Variants in MGAT4C observed in about 807,000 individuals in gnomAD.
MGAT4C encodes alpha-1,3-mannosyl-glycoprotein 4-beta-N-acetylglucosaminyltransferase C.
MGAT4C carries 19 observed loss-of-function variants against 40.1 expected under a neutral mutation model. The ratio of observed to expected loss-of-function variants is 0.47; its 90% CI spans 0.33 to 0.70. The LOEUF (loss-of-function observed/expected upper bound fraction) is 0.70, where lower values mean the gene tolerates loss of function less well. Ranked by LOEUF, MGAT4C falls within the 30% of genes least tolerant of loss-of-function variation. The pLI, the probability that MGAT4C is intolerant of heterozygous loss-of-function variation, is 0.02. For missense variants in MGAT4C, 491 were observed against 563.2 expected (o/e 0.87, Z 1.30); for synonymous variants, 181 against 187.1 (o/e 0.97, Z 0.27).
intron 2 of MGAT4C, among the ~76,000 whole-genome samples, chr12:86,538,888 T>G (rs377413601): frequency 6.6e-6 from 1 of 152,208 alleles, no homozygotes; most frequent in East Asian, 1.9e-4. Flanking sequence ...ATTACAGGCA[T>G]GAGCCACTGT....
chr12:86,533,380 A>C (rs897877043), intron 2 of MGAT4C, among the ~76,000 whole-genome samples: 2 of 152,020 alleles, frequency 1.3e-5, no homozygotes, highest in African/African-American at 2.4e-5. Context: ...TCTGTGGAGA[A>C]GGAGTCACTT....
chr12:86,700,070 T>TAGATAAGAG lies in MGAT4C; in HGVS notation c.-229+27138_-229+27139insCTCTTATCT, dbSNP rs1565933976. On this transcript the variant is annotated intron_variant, in intron 2 of 7. Coordinates refer to the MGAT4C transcript ENST00000548651. ...TAGATAGATAGATAGATAGATAAGATAGATAGATAATGTAGATAGATGATA... is the reference window on the plus strand; with the variant it reads ...TAGATAGATAGATAGATAGATAAGATAGATAAGAGAGATAGATAATGTAGATAGATGATA... Among the ~76,000 whole-genome samples, 33 of 150,038 alleles carry TAGATAAGAG rather than the reference T, an allele frequency of 2.2e-4. No individual in the cohort carries two copies. In the East Asian group the frequency reaches 5.2e-3, roughly 23 times the overall value.
At chr12:86,361,394 C>G (rs982740867) in intron 3 of MGAT4C, among the ~76,000 whole-genome samples, 2 of 151,084 alleles carry the variant, frequency 1.3e-5, no homozygotes, top group African/African-American at 4.8e-5. Context: ...TAGAAGAAAA[C>G]TTAGGCAATA....
intron 2 of MGAT4C, among the ~76,000 whole-genome samples, chr12:86,706,458 T>C (rs1950460378): frequency 6.6e-6 from 1 of 150,700 alleles, no homozygotes; most frequent in East Asian, 1.9e-4. Context: ...AGGGTCTCTC[T>C]ATTTTGCCCA....
At chr12:86,781,667 T>C (rs73181304) in intron 1 of MGAT4C, among the ~76,000 whole-genome samples, 189 of 152,290 alleles carry the variant, frequency 1.2e-3, no homozygotes, top group Non-Finnish European at 2.2e-3. Flanking sequence ...CCTGTCCTCA[T>C]AGAAATTCCA....
At chr12:86,642,332 T>A (rs1328211635) in intron 2 of MGAT4C, among the ~76,000 whole-genome samples, 1 of 151,848 alleles carries the variant, frequency 6.6e-6, no homozygotes, top group Non-Finnish European at 1.5e-5. Flanking sequence ...GGCTTTTCAT[T>A]CTTTTCCATT....
At chr12:86,080,650 C>T (rs1870664565) in intron 1 of MGAT4C, among the ~76,000 whole-genome samples, 3 of 152,102 alleles carry the variant, frequency 2.0e-5, no homozygotes, top group Admixed American at 2.0e-4. Context: ...GGTATCAAGA[C>T]ATTGCAACCA....
intron 2 of MGAT4C, among the ~76,000 whole-genome samples, chr12:86,582,792 G>T (rs890174765): frequency 2.0e-5 from 3 of 151,156 alleles, no homozygotes; most frequent in African/African-American, 7.3e-5. Flanking sequence ...TGGGACTTAT[G>T]TCGACCAAGT....
chr12:86,158,460 A>C (rs1885224829), intron 1 of MGAT4C, among the ~76,000 whole-genome samples: 1 of 152,200 alleles, frequency 6.6e-6, no homozygotes, highest in African/African-American at 2.4e-5. Flanking sequence ...AAGGTATGGA[A>C]TATGTAAATG....
chr12:86,415,449 A>C (rs151299359), intron 3 of MGAT4C, among the ~76,000 whole-genome samples: 3 of 152,182 alleles, frequency 2.0e-5, no homozygotes, highest in African/African-American at 7.2e-5. Context: ...GGGCATATGA[A>C]TACACAGGAG....
intron 1 of MGAT4C, among the ~76,000 whole-genome samples, chr12:86,155,088 G>C (rs1884770566): frequency 6.6e-6 from 1 of 152,296 alleles, no homozygotes; most frequent in Admixed American, 6.5e-5. Context: ...AATAGAAGAT[G>C]ATCCTGGATG....
intron 2 of MGAT4C, among the ~76,000 whole-genome samples, chr12:86,562,023 C>T (rs942632576): frequency 2.0e-4 from 31 of 152,126 alleles, no homozygotes; most frequent in Non-Finnish European, 4.4e-5. Context: ...TCTTGAGAGG[C>T]AAGGAGTTTA....
chr12:86,193,853 T>C (rs569813745), intron 1 of MGAT4C, among the ~76,000 whole-genome samples: 1 of 152,264 alleles, frequency 6.6e-6, no homozygotes, highest in Non-Finnish European at 1.5e-5. Flanking sequence ...ACATAGTTCC[T>C]TTTAACTTTG....
intron 1 of MGAT4C, among the ~76,000 whole-genome samples, chr12:86,073,988 T>C (rs1203206343): frequency 6.6e-6 from 1 of 152,148 alleles, no homozygotes; most frequent in Non-Finnish European, 1.5e-5. Flanking sequence ...CAGTTTGAAT[T>C]GTACCTCCCA....
chr12:86,286,880 C>T (rs1953365325), intron 4 of MGAT4C, among the ~76,000 whole-genome samples: 1 of 152,062 alleles, frequency 6.6e-6, no homozygotes, highest in East Asian at 1.9e-4. Context: ...AGGATGATGG[C>T]CTCCAGCTCT....
intron 1 of MGAT4C, among the ~76,000 whole-genome samples, chr12:86,780,781 C>T (rs1951825643): frequency 1.3e-5 from 2 of 152,172 alleles, no homozygotes; most frequent in Admixed American, 6.5e-5. Flanking sequence ...GTACCCATTA[C>T]ATAATTTCTC....
At chr12:86,688,431 T>C (rs536201153) in intron 2 of MGAT4C, among the ~76,000 whole-genome samples, 1 of 152,142 alleles carries the variant, frequency 6.6e-6, no homozygotes, top group Non-Finnish European at 1.5e-5. Flanking sequence ...ATGTAGCTTC[T>C]TCATAGTGTT....
intron 2 of MGAT4C, among the ~76,000 whole-genome samples, chr12:86,465,311 G>C (rs1436841271): frequency 6.6e-6 from 1 of 152,044 alleles, no homozygotes; most frequent in African/African-American, 2.4e-5. Context: ...ATGACCTTGG[G>C]TATGGTGATG....
chr12:86,333,471 C>T (rs1256066940), intron 4 of MGAT4C, among the ~76,000 whole-genome samples: 1 of 152,076 alleles, frequency 6.6e-6, no homozygotes, highest in Non-Finnish European at 1.5e-5. Flanking sequence ...GTAGCCATGG[C>T]AGGGTTCAAG....
Sources: gnomAD v4.1 joint callset for allele counts (sites outside exome capture counted in the v4.1 genomes callset) on GRCh38, gnomAD v4.1.1 for gene constraint, MANE v1.5 for transcripts, NCBI Gene and HGNC (gene_info 2026-07-23, HGNC 2026-07-21) for gene names.